The following TASP1 variants were observed in gnomAD, a reference collection of about 807,000 sequenced individuals.
TASP1 encodes the protein taspase 1, also known as threonine aspartase 1.
A neutral mutation model predicts 56.6 loss-of-function variants in TASP1; 16 were observed. The ratio of observed to expected loss-of-function variants is 0.28; its 90% confidence interval spans 0.19 to 0.43. TASP1 has a LOEUF of 0.43. TASP1 is among the 20% of genes least tolerant of loss of function. The pLI is 1.00. For missense variants in TASP1, 393 were observed against 511.6 expected (o/e 0.77, Z 2.24); for synonymous variants, 179 against 184.2 (o/e 0.97, Z 0.23).
the TASP1 span, among the ~76,000 whole-genome samples, chr20:13,187,969 T>A: frequency 6.6e-6 from 1 of 151,966 alleles, no homozygotes. Context: ...GCATTAAGAG[T>A]AATTAGGCCA....
chr20:13,373,641 T>TCC, the TASP1 span, among the ~76,000 whole-genome samples: 2 of 152,142 alleles, frequency 1.3e-5, no homozygotes, highest in African/African-American at 2.4e-5. Context: ...TGGGGTTCCC[T>TCC]TATAAATGAC....
At chr20:13,379,549 C>T in the TASP1 span, among the ~76,000 whole-genome samples, 95,511 of 151,654 alleles carry the variant, frequency 0.63, 30,351 homozygotes, top group Non-Finnish European at 0.67. Context: ...GACAAACATG[C>T]GTCTCGTGGT....
At chr20:13,351,825 C>T in the TASP1 span, among the ~76,000 whole-genome samples, 1 of 152,140 alleles carries the variant, frequency 6.6e-6, no homozygotes, top group Non-Finnish European at 1.5e-5. Flanking sequence ...CACCATAGAA[C>T]AGTGCTATTT....
the TASP1 span, among the ~76,000 whole-genome samples, chr20:13,230,264 C>T: frequency 0.26 from 40,060 of 151,918 alleles, 5,470 homozygotes; most frequent in African/African-American, 0.35. Flanking sequence ...AAATCTTTTA[C>T]GCTACATGTT....
the TASP1 span, among the ~76,000 whole-genome samples, chr20:13,369,781 C>G: frequency 6.6e-6 from 1 of 152,144 alleles, no homozygotes; most frequent in East Asian, 1.9e-4. Flanking sequence ...TCAACAGGAT[C>G]AAGTCAACTA....
At chr20:13,190,898 A>G in the TASP1 span, among the ~76,000 whole-genome samples, 1 of 152,140 alleles carries the variant, frequency 6.6e-6, no homozygotes, top group African/African-American at 2.4e-5. Flanking sequence ...AAGAAAAAAT[A>G]CAAATAATCA....
At chr20:13,636,647 A>T (rs1488806320) in intron 1 of TASP1, among the ~76,000 whole-genome samples, 1 of 152,238 alleles carries the variant, frequency 6.6e-6, no homozygotes, top group East Asian at 1.9e-4. Flanking sequence ...ATTTAGAATA[A>T]CAAAAATCTG....
the TASP1 span, among the ~76,000 whole-genome samples, chr20:13,332,706 T>C: frequency 6.6e-6 from 1 of 152,230 alleles, no homozygotes; most frequent in Non-Finnish European, 1.5e-5. Context: ...AAATATAGAT[T>C]ATCCTACCTT....
the TASP1 span, among the ~76,000 whole-genome samples, chr20:13,151,024 A>C: frequency 5.9e-5 from 9 of 152,148 alleles, no homozygotes; most frequent in African/African-American, 1.9e-4. Flanking sequence ...TGATTATTTT[A>C]TTAATGTCTG....
the TASP1 span, among the ~76,000 whole-genome samples, chr20:13,357,930 C>T: frequency 1.3e-5 from 2 of 152,190 alleles, no homozygotes; most frequent in Non-Finnish European, 2.9e-5. Flanking sequence ...GTGACTTGCA[C>T]GTATATGCCC....
At chr20:13,411,451 A>G (rs751540706) in intron 13 of TASP1, among the ~76,000 whole-genome samples, 35 of 152,126 alleles carry the variant, frequency 2.3e-4, no homozygotes, top group Non-Finnish European at 4.3e-4. Flanking sequence ...TGTCCTCTTC[A>G]ATTACTTTTA....
chr20:13,586,712 A>T (rs961427175), intron 5 of TASP1, among the ~76,000 whole-genome samples: 5 of 152,200 alleles, frequency 3.3e-5, no homozygotes, highest in African/African-American at 1.2e-4. Flanking sequence ...AAAACATGAG[A>T]CATATCTTTT....
At chr20:13,168,859 G>A in the TASP1 span, 1 of 152,034 alleles carries the variant, frequency 6.6e-6, no homozygotes, top group Non-Finnish European at 1.5e-5. Flanking sequence ...GCTGCATAAT[G>A]TTTAGAAAAT....
chr20:13,231,421 T>G, the TASP1 span, among the ~76,000 whole-genome samples: 1 of 152,226 alleles, frequency 6.6e-6, no homozygotes, highest in East Asian at 1.9e-4. Context: ...TTTAGAGATC[T>G]AATGGGTCCT....
At chr20:13,227,339 GAC>G in the TASP1 span, among the ~76,000 whole-genome samples, 1 of 151,540 alleles carries the variant, frequency 6.6e-6, no homozygotes, top group East Asian at 1.9e-4. Context: ...GAGTAGCTGG[GAC>G]TACAGGCACA....
chr20:13,581,008 A>C, intron 5 of TASP1, 27 bp from the exon 6 acceptor site: 1 of 1,536,712 alleles, frequency 6.5e-7, no homozygotes, highest in Non-Finnish European at 8.9e-7. Context: ...AAAATTGGCA[A>C]AAAAGATGTC....
intron 10 of TASP1, among the ~76,000 whole-genome samples, chr20:13,506,961 CAGAA>C (rs2044156349): frequency 1.3e-5 from 2 of 150,544 alleles, no homozygotes; most frequent in African/African-American, 4.9e-5. Context: ...GCATCCAAAT[CAGAA>C]AGGGAGAAGT....
intron 3 of TASP1, 23 bp downstream of exon 3, chr20:13,625,162 G>A: frequency 5.1e-6 from 8 of 1,574,066 alleles, no homozygotes; most frequent in Non-Finnish European, 6.9e-6. Context: ...GCAATGCACA[G>A]ATCATACACA....
At chr20:13,569,092 C>T (rs1388879704) in intron 7 of TASP1, among the ~76,000 whole-genome samples, 1 of 152,026 alleles carries the variant, frequency 6.6e-6, no homozygotes, top group Non-Finnish European at 1.5e-5. Flanking sequence ...CAGTTTAACT[C>T]TATGTAGTCA....
Sources: allele counts gnomAD v4.1 joint callset (sites outside exome capture counted in the v4.1 genomes callset), GRCh38; gene constraint gnomAD v4.1.1; transcripts MANE v1.5; gene names NCBI Gene and HGNC (gene_info 2026-07-23, HGNC 2026-07-21).